RYR2: variants seen among roughly 807,000 people sequenced by gnomAD.
RYR2 encodes the protein ryanodine receptor 2.
In RYR2, 227 loss-of-function variants were observed where a neutral mutation model predicts 601.1. The ratio of observed to expected loss-of-function variants is 0.38; its 90% CI spans 0.34 to 0.42. The LOEUF (loss-of-function observed/expected upper bound fraction) is 0.42. Ranked by LOEUF, RYR2 falls within the 10% of genes least tolerant of loss-of-function variation. The pLI is 1.00. For missense variants in RYR2, 4,646 were observed against 6,156.5 expected, an observed-to-expected ratio of 0.75 and a Z score of 8.21; for synonymous variants, 2,223 against 2,175.1, an observed-to-expected ratio of 1.02 and a Z score of -0.61.
intron 35 of RYR2, among the ~76,000 whole-genome samples, chr1:237,605,622 A>T (rs1377494021): frequency 6.6e-6 from 1 of 152,138 alleles, no homozygotes; most frequent in African/African-American, 2.4e-5. Flanking sequence ...AGAGGAAGTC[A>T]AATTGTCCCT....
intron 1 of RYR2, among the ~76,000 whole-genome samples, chr1:237,098,379 TTGTGTGTATGTGTGTGTG>T (rs752018944): frequency 4.3e-4 from 25 of 58,794 alleles, no homozygotes; most frequent in South Asian, 9.9e-4. Flanking sequence ...ATAGTTGCCA[TTGTGTGTATGTGTGTGTG>T]TGTGTGTGTG....
intron 1 of RYR2, among the ~76,000 whole-genome samples, chr1:237,148,197 T>C (rs2485580): frequency 0.96 from 146,571 of 152,152 alleles, 70,857 homozygotes; most frequent in East Asian, 1. Context: ...AAAACAGCTT[T>C]TAACCTCTCT....
chr1:237,592,046 A>G (rs1319812151), intron 32 of RYR2, among the ~76,000 whole-genome samples, 193 bp downstream of exon 32: 1 of 152,214 alleles, frequency 6.6e-6, no homozygotes, highest in African/African-American at 2.4e-5. Flanking sequence ...GCAATACAAG[A>G]GTTATTTTAG....
rs375408791 is a variant in RYR2, at chr1:237,674,832, A to G, written c.8816A>G (p.Tyr2939Cys). The change falls in exon 60 of 105, where the codon TAT becomes TGT. Residue 2939 changes from tyrosine (Y) to cysteine (C), a missense_variant. This residue lies in a region of RYR2 where 1,497 missense variants were observed against 1,842.6 expected (regional missense o/e 0.81). Coordinates refer to ENST00000366574, the MANE Select transcript of RYR2 (RefSeq NM_001035.3). ...CGCTATGTGGATGAAGCCCATCAGT[A>G]TATCCTGGAGTTTGGTAGGTACCAT... ...LIRYVDEAHQYILEFDGGSRG... is the reference protein window; with the variant it reads ...LIRYVDEAHQCILEFDGGSRG... 1 of 1,605,142 alleles carries G rather than the reference A, an allele frequency of 6.2e-7. No individual in the cohort carries two copies. Among genetic ancestry groups the G allele is most frequent in the African/African-American group, 1.3e-5 (1 of 74,742 alleles).
chr1:237,155,247 C>A (rs1027097586), intron 1 of RYR2, among the ~76,000 whole-genome samples: 3 of 144,586 alleles, frequency 2.1e-5, no homozygotes, highest in Non-Finnish European at 3.0e-5. Context: ...GCGGTCTCAG[C>A]GCACTGCAAT....
intron 1 of RYR2, among the ~76,000 whole-genome samples, chr1:237,199,413 G>A (rs1362618098): frequency 1.3e-5 from 2 of 152,232 alleles, no homozygotes; most frequent in African/African-American, 4.8e-5. Flanking sequence ...GAGTCCCAAA[G>A]CTGAAGAACT....
intron 34 of RYR2, among the ~76,000 whole-genome samples, 173 bp from the exon 35 acceptor site, chr1:237,601,852 G>A (rs1466990559): frequency 6.6e-6 from 1 of 152,088 alleles, no homozygotes; most frequent in African/African-American, 2.4e-5. Flanking sequence ...CCCAAGCAGT[G>A]TTCACATAGT....
chr1:237,649,242 A>G (rs564934488), intron 49 of RYR2, among the ~76,000 whole-genome samples: 19 of 152,346 alleles, frequency 1.2e-4, no homozygotes, highest in African/African-American at 4.3e-4. Context: ...AATTTTATCA[A>G]TTAAATGTGC....
intron 36 of RYR2, among the ~76,000 whole-genome samples, chr1:237,613,222 G>A (rs1012716796): frequency 1.3e-5 from 2 of 152,152 alleles, no homozygotes; most frequent in South Asian, 2.1e-4. Flanking sequence ...TGTGTACTTT[G>A]TTTCTCCTTA....
At chr1:237,567,879 G>T (rs1672259221) in intron 28 of RYR2, among the ~76,000 whole-genome samples, 1 of 149,618 alleles carries the variant, frequency 6.7e-6, no homozygotes, top group African/African-American at 2.4e-5. Flanking sequence ...TGAAATTAGG[G>T]CAGTTGACCC....
At chr1:237,065,715 C>T (rs765795516) in intron 1 of RYR2, among the ~76,000 whole-genome samples, 28 of 152,144 alleles carry the variant, frequency 1.8e-4, no homozygotes, top group Admixed American at 3.3e-4. Context: ...CGTTCTTGCA[C>T]TGCTGTAAAG....
chr1:237,329,862 A>C lies in RYR2; in HGVS notation c.169-1016A>C, dbSNP rs115532552. Among the ~76,000 whole-genome samples the C allele has an allele frequency of 7.0e-3, 1,067 of 152,204 alleles. 15 individuals are homozygous for C. The highest frequency in any genetic ancestry group is 0.025 in the African/African-American group (1,023 of 41,502). ...TTGATTGAGATAGCGGTTTAAGAGA[A>C]AGAGAAAAAAAGAAAACAGATGGAG... is the stretch of plus-strand genomic sequence containing the variant. On this transcript the variant is annotated intron_variant, in intron 2 of 104. Transcript: ENST00000366574.
chr1:237,654,524 G>A (rs529185541), intron 52 of RYR2, 110 bp downstream of exon 52: 96 of 1,038,810 alleles, frequency 9.2e-5, no homozygotes, highest in South Asian at 8.1e-4. Context: ...ACCAAGACAC[G>A]TATGGCTTGA....
At chr1:237,732,181 G>A in intron 78 of RYR2, 32 bp downstream of exon 78, 2 of 1,362,006 alleles carry the variant, frequency 1.5e-6, no homozygotes, top group Non-Finnish European at 2.1e-6. Flanking sequence ...TGAGACATAG[G>A]AGGAGCAAAT....
At chr1:237,432,932 T>C (rs1266634737) in intron 12 of RYR2, among the ~76,000 whole-genome samples, 1 of 151,740 alleles carries the variant, frequency 6.6e-6, no homozygotes, top group Admixed American at 6.6e-5. Context: ...TCCCTGATTT[T>C]CAGAAGTTTG....
At chr1:237,284,148 C>T (rs61834132) in intron 2 of RYR2, among the ~76,000 whole-genome samples, 23,706 of 152,020 alleles carry the variant, frequency 0.16, 1,888 homozygotes, top group Middle Eastern at 0.17. Flanking sequence ...TTTGGGAGGC[C>T]GAGGCGGGTG....
chr1:237,679,269 G>A (rs1299654288), intron 61 of RYR2, among the ~76,000 whole-genome samples: 1 of 152,144 alleles, frequency 6.6e-6, no homozygotes, highest in African/African-American at 2.4e-5. Flanking sequence ...CACCCCCGGT[G>A]CATCTGTTTA....
At chr1:237,502,336 G>A (rs2805424) in intron 21 of RYR2, among the ~76,000 whole-genome samples, 47,084 of 151,986 alleles carry the variant, frequency 0.31, 8,854 homozygotes, top group East Asian at 0.49. Context: ...GTTCTTTTTC[G>A]TTGTTGAGAT....
At chr1:237,242,805 C>T (rs970690482) in intron 1 of RYR2, among the ~76,000 whole-genome samples, 5 of 152,122 alleles carry the variant, frequency 3.3e-5, no homozygotes, top group African/African-American at 7.2e-5. Context: ...TTGATTTACT[C>T]GAGTTACTGA....
Sources: gnomAD v4.1 joint callset for allele counts (sites outside exome capture counted in the v4.1 genomes callset) on GRCh38, gnomAD v4.1.1 for gene constraint, gnomAD v4.1.1 regional missense constraint, MANE v1.5 for transcripts, NCBI Gene and HGNC (gene_info 2026-07-23, HGNC 2026-07-21) for gene names.